PER3: variants seen among roughly 807,000 people sequenced by gnomAD.
PER3 encodes the protein period circadian protein homolog 3.
A neutral mutation model predicts 127.2 loss-of-function variants in PER3; 107 were observed. The ratio of observed to expected loss-of-function variants is 0.84; its 90% CI spans 0.72 to 0.99. The LOEUF is 0.99. Ranked by LOEUF, PER3 falls within the 50% of genes least tolerant of loss-of-function variation. PER3 has a pLI of 0.00. For missense variants in PER3, 1,560 were observed against 1,525.8 expected, an observed-to-expected ratio of 1.02 and a Z score of -0.37; for synonymous variants, 618 against 585.8, an observed-to-expected ratio of 1.05 and a Z score of -0.79.
chr1:7,787,820 T>A (rs2097099433), intron 4 of PER3: 7 of 562,710 alleles, frequency 1.2e-5, no homozygotes, highest in Non-Finnish European at 2.2e-5. Context: ...CTAGTATATT[T>A]TTTGGCATAG....
chr1:7,839,411 A>G (rs183977375), intron 21 of PER3, among the ~76,000 whole-genome samples: 17 of 152,374 alleles, frequency 1.1e-4, no homozygotes, highest in Admixed American at 9.1e-4. Context: ...CTTTGAATGT[A>G]TTAGTTTCTT....
chr1:7,791,015 CTG>C (rs1226275890), intron 5 of PER3, among the ~76,000 whole-genome samples: 1 of 152,200 alleles, frequency 6.6e-6, no homozygotes, highest in African/African-American at 2.4e-5. Flanking sequence ...CATTGAGTGT[CTG>C]TGGCTTTTCT....
rs2097250400 is a variant in PER3, at chr1:7,816,164, AAG to A, written c.1523-3117_1523-3116del. On this transcript the variant is annotated intron_variant, in intron 13 of 21. Transcript: ENST00000377532. ...TAATCTAAGCTTCCTCCTTAAAAAT[AAG>A]AGAAAAAAGAACAAATTGTTTCACA... is the stretch of plus-strand genomic sequence containing the variant. Among the ~76,000 whole-genome samples the A allele has an allele frequency of 2.6e-5, 4 of 152,206 alleles. No homozygotes were observed. The South Asian group carries it at 8.3e-4, about 32-fold the overall frequency.
chr1:7,837,128 C>T lies in PER3; in HGVS notation c.3528C>T (p.Val1176=). ...KVYNWIQSQT[V]TQEIDIQACV... Reference sequence around the variant, plus strand: ...ATAATTGGATTCAAAGCCAGACTGTCACTCAAGAAATCGACATTCAAGTAA... The same window carrying T: ...ATAATTGGATTCAAAGCCAGACTGTTACTCAAGAAATCGACATTCAAGTAA... The change falls in exon 21 of 22, where the codon GTC becomes GTT. Residue 1176 remains valine (V), a synonymous_variant. Transcript: ENST00000377532. 6.8e-6 allele frequency: 11 copies of T among 1,613,362 alleles called. No individual in the cohort carries two copies. The highest frequency in any genetic ancestry group is 9.3e-6 in the Non-Finnish European group (11 of 1,179,756).
chr1:7,824,648 T>C (rs2097293022), intron 16 of PER3, among the ~76,000 whole-genome samples: 1 of 152,272 alleles, frequency 6.6e-6, no homozygotes, highest in Admixed American at 6.5e-5. Flanking sequence ...ATCTTTATTC[T>C]GGGTCCCAGT....
chr1:7,808,537 TTA>T (rs2097206025), intron 10 of PER3, among the ~76,000 whole-genome samples: 1 of 152,230 alleles, frequency 6.6e-6, no homozygotes, highest in Non-Finnish European at 1.5e-5. Context: ...TTTAAAATTC[TTA>T]GAGTAAGTTA....
At chr1:7,810,860 A>G (rs866404625) in intron 13 of PER3, 1 of 266,466 alleles carries the variant, frequency 3.8e-6, no homozygotes, top group Non-Finnish European at 7.0e-6. Context: ...ATACCAACGA[A>G]TTATAGATTT....
chr1:7,795,825 G>A (rs952083877), intron 6 of PER3, among the ~76,000 whole-genome samples: 3 of 152,222 alleles, frequency 2.0e-5, no homozygotes, highest in Admixed American at 1.3e-4. Flanking sequence ...CTGCTGCGGT[G>A]TCATCACCCA....
intron 3 of PER3, 91 bp from the exon 4 acceptor site, chr1:7,786,630 G>A (rs1441542166): frequency 8.4e-6 from 6 of 715,438 alleles, no homozygotes; most frequent in South Asian, 3.3e-5. Context: ...GTTCTCATCC[G>A]AAAAAAATAA....
chr1:7,805,460 G>C (rs1309712153), intron 10 of PER3, among the ~76,000 whole-genome samples: 1 of 152,140 alleles, frequency 6.6e-6, no homozygotes, highest in Admixed American at 6.6e-5. Flanking sequence ...TCTACTCCAG[G>C]GTTTGGCCCC....
chr1:7,784,747 G>A lies in PER3; in HGVS notation c.-131G>A. The A allele has an allele frequency of 1.0e-6, 1 of 959,976 alleles. No individual in the cohort carries two copies. Among genetic ancestry groups the A allele is most frequent in the Non-Finnish European group, 1.4e-6 (1 of 705,318 alleles). The allele number at this position is 959,976 out of a possible 1,614,324, so 59.5% of individuals were successfully genotyped here. On this transcript the variant is annotated 5_prime_UTR_variant, in exon 2 of 22. Transcript: ENST00000377532. The stretch of plus-strand genomic sequence containing the variant: ...GAGCGTGACCCCCTGGCTCGTGGTG[G>A]CCGCCTGTTCTCACTAACGCCATGG...
At chr1:7,799,678 A>G (rs1024948142) in intron 7 of PER3, among the ~76,000 whole-genome samples, 3 of 151,616 alleles carry the variant, frequency 2.0e-5, no homozygotes, top group Non-Finnish European at 4.4e-5. Flanking sequence ...TACAAACACT[A>G]CAATAAATAT....
At chr1:7,819,151 CATTTTT>C in intron 13 of PER3, 128 bp from the exon 14 acceptor site, 1 of 683,538 alleles carries the variant, frequency 1.5e-6, no homozygotes, top group Admixed American at 3.1e-5. Context: ...GATCTGCACT[CATTTTT>C]AATAGCCGCA....
intron 13 of PER3, among the ~76,000 whole-genome samples, chr1:7,812,764 T>G (rs116569029): frequency 6.6e-6 from 1 of 152,178 alleles, no homozygotes; most frequent in East Asian, 1.9e-4. Flanking sequence ...GATGTGACTT[T>G]GGAGAAGAAG....
chr1:7,835,277 TG>T, intron 19 of PER3, among the ~76,000 whole-genome samples: 1 of 152,164 alleles, frequency 6.6e-6, no homozygotes, highest in South Asian at 2.1e-4. Context: ...TTTGGCGACT[TG>T]GGTTTAGGTA....
chr1:7,804,295 A>C (rs2097183319), intron 10 of PER3, among the ~76,000 whole-genome samples: 1 of 150,896 alleles, frequency 6.6e-6, no homozygotes, highest in Non-Finnish European at 1.5e-5. Flanking sequence ...TAGGACCTAC[A>C]AGTGTTTCTT....
rs1438135856 is a variant in PER3 at position 7,827,468 on chromosome 1, T to C, written c.2539T>C (p.Phe847Leu). Residue 847 changes from phenylalanine (F) to leucine (L), a missense_variant, in exon 18 of 22, where the codon TTC becomes CTC. Coordinates refer to ENST00000377532, the MANE Select transcript of PER3 (RefSeq NM_001377275.1). ...CGAGGGCTTGCAGCCTTACCCAGCT[T>C]TCCCTTTTCCTTACTTGGATACTTT... The part of the protein sequence containing the change: ...LSEGLQPYPA[F>L]PFPYLDTFMT... 1 of 1,614,124 alleles carries C rather than the reference T, an allele frequency of 6.2e-7. No individual in the cohort carries two copies. The highest frequency in any genetic ancestry group is 8.5e-7 in the Non-Finnish European group (1 of 1,180,040).
At chr1:7,787,912 T>G (rs1380541848) in intron 4 of PER3, 133 bp from the exon 5 acceptor site, 16 of 655,066 alleles carry the variant, frequency 2.4e-5, no homozygotes, top group Non-Finnish European at 4.3e-5. Context: ...TGAGGAGTTT[T>G]GTTGCATTTG....
chr1:7,801,920 A>T (rs2097172455), intron 8 of PER3, among the ~76,000 whole-genome samples: 1 of 152,194 alleles, frequency 6.6e-6, no homozygotes, highest in African/African-American at 2.4e-5. Flanking sequence ...AAAAGCAAAA[A>T]TGTCAGAAAC....
Sources: allele counts gnomAD v4.1 joint callset (sites outside exome capture counted in the v4.1 genomes callset), GRCh38; gene constraint gnomAD v4.1.1; transcripts MANE v1.5; gene names NCBI Gene and HGNC (gene_info 2026-07-23, HGNC 2026-07-21).